Variants in RGS7BP observed in about 807,000 individuals in gnomAD.
RGS7BP encodes regulator of G protein signaling 7-binding protein.
RGS7BP carries 9 observed loss-of-function variants against 31.3 expected under a neutral mutation model. The ratio of observed to expected loss-of-function variants is 0.29; its 90% CI spans 0.17 to 0.50. The LOEUF is 0.50. Ranked by LOEUF, RGS7BP falls within the 20% of genes least tolerant of loss-of-function variation. RGS7BP has a pLI of 0.98. For missense variants in RGS7BP, 274 were observed against 322.0 expected, an observed-to-expected ratio of 0.85 and a Z score of 1.14; for synonymous variants, 115 against 120.1, an observed-to-expected ratio of 0.96 and a Z score of 0.28.
intron 5 of RGS7BP, among the ~76,000 whole-genome samples, chr5:64,607,628 C>T (rs1743397668): frequency 6.6e-6 from 1 of 151,932 alleles, no homozygotes; most frequent in South Asian, 2.1e-4. Context: ...GATGAAGCCT[C>T]CAGGTAGCAG....
chr5:64,594,739 T>A lies in RGS7BP; in HGVS notation c.493T>A (p.Leu165Met), dbSNP rs1424220509. ...GGAACCTGGCGGGGGAACCAAGAGTTTGGATTGCAAAATTGAGGAGAGTGC... is the reference window on the plus strand; with the variant it reads ...GGAACCTGGCGGGGGAACCAAGAGTATGGATTGCAAAATTGAGGAGAGTGC... ...GKEPGGGTKS[L>M]DCKIEESAET... Residue 165 changes from leucine to methionine, a missense_variant, in exon 4 of 6, where the codon TTG becomes ATG. By Grantham distance (15) the Leu-to-Met change is conservative. This residue lies in a region of RGS7BP where 112 missense variants were observed against 130.9 expected (regional missense o/e 0.86). Transcript: ENST00000334025. 5.0e-6 allele frequency: 8 copies of A among 1,613,740 alleles called. No homozygotes were observed. The highest frequency in any genetic ancestry group is 6.8e-6 in the Non-Finnish European group (8 of 1,179,774).
rs146858837 is a variant in RGS7BP at position 64,541,930 on chromosome 5, A to G, written c.333-33844A>G. 2.3e-4 allele frequency among the ~76,000 whole-genome samples: 34 copies of G among 145,806 alleles called. No individual in the cohort carries two copies. In the East Asian group the frequency reaches 6.9e-3, roughly 29 times the overall value. On this transcript the variant is annotated intron_variant, in intron 2 of 5. Transcript: ENST00000334025. Reference sequence around the variant, plus strand: ...CTTCCCTAAGTAAAAATCAGAAATCATTTCATATATTTTCTATTCTAGTTT... The same window carrying G: ...CTTCCCTAAGTAAAAATCAGAAATCGTTTCATATATTTTCTATTCTAGTTT...
Position 64,588,553 on chromosome 5 carries a change from C to A in RGS7BP, c.464-6157C>A, listed in dbSNP as rs199749793. 3.0e-4 allele frequency among the ~76,000 whole-genome samples: 46 copies of A among 152,284 alleles called. No homozygotes were observed. The East Asian group carries it at 8.7e-3, about 29-fold the overall frequency. ...GAATTAGGACTCAAAAAAACCAGCA[C>A]AAATGCTAATCCTCTTGCTACTCCT... On this transcript the variant is annotated intron_variant, in intron 3 of 5. Coordinates refer to ENST00000334025, the MANE Select transcript of RGS7BP (RefSeq NM_001029875.3).
At chr5:64,577,679 A>G (rs963836229) in intron 3 of RGS7BP, among the ~76,000 whole-genome samples, 1 of 152,124 alleles carries the variant, frequency 6.6e-6, no homozygotes, top group Non-Finnish European at 1.5e-5. Flanking sequence ...GAAATTGAAT[A>G]CTTATGACAT....
chr5:64,523,244 G>C (rs1379764511), intron 2 of RGS7BP, among the ~76,000 whole-genome samples: 1 of 152,222 alleles, frequency 6.6e-6, no homozygotes, highest in African/African-American at 2.4e-5. Flanking sequence ...TGCTGTTGGG[G>C]TGAGCCCGTG....
intron 1 of RGS7BP, among the ~76,000 whole-genome samples, chr5:64,507,418 G>A (rs936598402): frequency 2.0e-5 from 3 of 152,138 alleles, no homozygotes; most frequent in East Asian, 3.9e-4. Context: ...GCATGGTAGC[G>A]CTCCAAATAT....
intron 2 of RGS7BP, among the ~76,000 whole-genome samples, chr5:64,550,766 T>A (rs1741775832): frequency 2.9e-5 from 4 of 135,930 alleles, no homozygotes; most frequent in African/African-American, 1.1e-4. Flanking sequence ...GTGTGTGATG[T>A]TCCCCTTCCT....
intron 5 of RGS7BP, among the ~76,000 whole-genome samples, chr5:64,600,834 G>A (rs1743198737): frequency 6.6e-6 from 1 of 152,194 alleles, no homozygotes; most frequent in African/African-American, 2.4e-5. Flanking sequence ...GCTGACCAGT[G>A]GGGAAGGGGA....
chr5:64,583,845 G>T (rs543336765), intron 3 of RGS7BP, among the ~76,000 whole-genome samples: 3 of 152,304 alleles, frequency 2.0e-5, no homozygotes, highest in Admixed American at 6.5e-5. Flanking sequence ...CCAGTGAGTA[G>T]GACACTATTT....
intron 3 of RGS7BP, among the ~76,000 whole-genome samples, chr5:64,584,044 C>T (rs1742674874): frequency 6.6e-6 from 1 of 152,202 alleles, no homozygotes; most frequent in African/African-American, 2.4e-5. Flanking sequence ...CCCAAGGTCA[C>T]ATAGCACATT....
intron 3 of RGS7BP, among the ~76,000 whole-genome samples, chr5:64,586,362 A>G (rs1742752211): frequency 6.6e-6 from 1 of 152,104 alleles, no homozygotes; most frequent in Non-Finnish European, 1.5e-5. Flanking sequence ...ATCTTGAACT[A>G]CTTTGAGGAA....
At chr5:64,591,246 A>T (rs1352200576) in intron 3 of RGS7BP, among the ~76,000 whole-genome samples, 3 of 152,272 alleles carry the variant, frequency 2.0e-5, no homozygotes, top group Admixed American at 2.0e-4. Context: ...GAAAATGTAA[A>T]GAAGAAACAC....
At chr5:64,529,258 C>T (rs1749313238) in intron 2 of RGS7BP, among the ~76,000 whole-genome samples, 1 of 152,096 alleles carries the variant, frequency 6.6e-6, no homozygotes, top group African/African-American at 2.4e-5. Context: ...AAATGACGAG[C>T]TGCTGATAAA....
At chr5:64,577,118 C>G (rs1244210184) in intron 3 of RGS7BP, among the ~76,000 whole-genome samples, 1 of 152,116 alleles carries the variant, frequency 6.6e-6, no homozygotes, top group Non-Finnish European at 1.5e-5. Context: ...TTGGAGGAAA[C>G]TAAAGGACAT....
chr5:64,586,664 C>T lies in RGS7BP; in HGVS notation c.464-8046C>T, dbSNP rs544255245. 6.2e-4 allele frequency among the ~76,000 whole-genome samples: 95 copies of T among 152,346 alleles called. 1 individual carries two copies. The highest frequency in any genetic ancestry group is 2.2e-3 in the African/African-American group (91 of 41,580). ...CCTATTGTCCTCTCTAGACTTTGAT[C>T]ACCATGAGTATGTTCACCGTTGTAT... On this transcript the variant is annotated intron_variant, in intron 3 of 5. Coordinates refer to ENST00000334025, the MANE Select transcript of RGS7BP (RefSeq NM_001029875.3).
chr5:64,509,816 C>T (rs1323915808), intron 2 of RGS7BP, among the ~76,000 whole-genome samples: 1 of 151,998 alleles, frequency 6.6e-6, no homozygotes, highest in Non-Finnish European at 1.5e-5. Flanking sequence ...AGAGCCTTGC[C>T]AAAGGAAAAC....
chr5:64,589,007 G>A (rs946635391), intron 3 of RGS7BP, among the ~76,000 whole-genome samples: 1 of 152,082 alleles, frequency 6.6e-6, no homozygotes, highest in Non-Finnish European at 1.5e-5. Context: ...AATAGTTACT[G>A]AGGGATGGGT....
rs1387069767 is a variant in RGS7BP, at chr5:64,539,982, T to TA, written c.332+32111dup. Among the ~76,000 whole-genome samples, 11 of 152,208 alleles carry TA rather than the reference T, an allele frequency of 7.2e-5. No homozygotes were observed. In the South Asian group the frequency reaches 2.3e-3, roughly 32 times the overall value. On this transcript the variant is annotated intron_variant, in intron 2 of 5. Transcript: ENST00000334025. ...GTTCAACTGATTTGCACAATTTTTTTAAAAAATCAGTAAAATCTAGTTTTA... is the reference window on the plus strand; with the variant it reads ...GTTCAACTGATTTGCACAATTTTTTTAAAAAAATCAGTAAAATCTAGTTTTA...
intron 4 of RGS7BP, among the ~76,000 whole-genome samples, chr5:64,597,825 G>A (rs1451754008): frequency 6.6e-6 from 1 of 152,054 alleles, no homozygotes; most frequent in Non-Finnish European, 1.5e-5. Context: ...TGCCCTAAAA[G>A]CACAGACTTC....
Sources: gnomAD v4.1 joint callset for allele counts (sites outside exome capture counted in the v4.1 genomes callset) on GRCh38, gnomAD v4.1.1 for gene constraint, gnomAD v4.1.1 regional missense constraint, MANE v1.5 for transcripts, NCBI Gene and HGNC (gene_info 2026-07-23, HGNC 2026-07-21) for gene names.